BIN3: variants seen among roughly 807,000 people sequenced by gnomAD.
BIN3 encodes the protein bridging integrator 3.
A neutral mutation model predicts 38.2 loss-of-function variants in BIN3; 41 were observed. The observed-to-expected ratio is 1.07, with a 90% CI of 0.84 to 1.39. The LOEUF is 1.39. BIN3 is among the 40% of genes most tolerant of loss of function. BIN3 has a pLI of 0.00. For missense variants in BIN3, 361 were observed against 324.3 expected (o/e 1.11, Z -0.87); for synonymous variants, 145 against 122.6 (o/e 1.18, Z -1.21).
chr8:22,621,425 G>C lies in BIN3; in HGVS notation c.759C>G (p.Asp253Glu). 6.2e-7 allele frequency: 1 copy of C among 1,612,810 alleles called. No homozygotes were observed. The highest frequency in any genetic ancestry group is 2.2e-5 in the East Asian group (1 of 44,846). Residue 253 changes from aspartate to glutamate, a missense_variant, in exon 9 of 9, where the codon GAC (aspartate) becomes GAG (glutamate). Coordinates refer to ENST00000276416, the MANE Select transcript of BIN3 (RefSeq NM_018688.6). ...GTCCTCCAAGAGTGACGGGGATTCA[G>C]TCATCGGCCACAATGGAGAGGGCCC... Reference protein sequence around the residue: ...ELRALSIVADD With the variant: ...ELRALSIVADE
At chr8:22,641,921 T>C (rs1585191357) in intron 2 of BIN3, among the ~76,000 whole-genome samples, 1 of 151,722 alleles carries the variant, frequency 6.6e-6, no homozygotes, top group Admixed American at 6.6e-5. Context: ...ACCTGGGGAG[T>C]GGGAGGGGAC....
intron 6 of BIN3, chr8:22,626,131 G>A (rs1801996860): frequency 1.3e-5 from 2 of 152,296 alleles, no homozygotes; most frequent in Non-Finnish European, 1.5e-5. Flanking sequence ...AGCCACCAAA[G>A]CACCCTGAAT....
intron 1 of BIN3, among the ~76,000 whole-genome samples, chr8:22,661,059 T>G (rs1286297748): frequency 6.6e-6 from 1 of 151,966 alleles, no homozygotes; most frequent in Non-Finnish European, 1.5e-5. Context: ...AATTTTTAAT[T>G]TTCTTTTTGT....
intron 2 of BIN3, among the ~76,000 whole-genome samples, chr8:22,642,832 C>T (rs1262779927): frequency 6.6e-6 from 1 of 152,184 alleles, no homozygotes; most frequent in African/African-American, 2.4e-5. Context: ...CCTACCTGAC[C>T]CCCAGTCTAT....
chr8:22,662,355 G>C (rs978346759), intron 1 of BIN3, among the ~76,000 whole-genome samples: 4 of 152,234 alleles, frequency 2.6e-5, no homozygotes, highest in African/African-American at 9.6e-5. Context: ...ATTTCTGCCA[G>C]TCTGATGGCT....
intron 1 of BIN3, among the ~76,000 whole-genome samples, chr8:22,657,990 T>A (rs1803109882): frequency 6.6e-6 from 1 of 152,194 alleles, no homozygotes; most frequent in African/African-American, 2.4e-5. Context: ...TCCCTCCTCC[T>A]CACACTTGCC....
At chr8:22,661,360 T>G (rs530985960) in intron 1 of BIN3, among the ~76,000 whole-genome samples, 16 of 129,812 alleles carry the variant, frequency 1.2e-4, no homozygotes, top group Non-Finnish European at 1.8e-4. Context: ...TTCTTTTTTT[T>G]TTTTTTTTTT....
intron 2 of BIN3, among the ~76,000 whole-genome samples, chr8:22,643,192 C>T (rs944352701): frequency 3.9e-5 from 6 of 152,210 alleles, no homozygotes; most frequent in Admixed American, 2.0e-4. Flanking sequence ...TTCCTGCAGC[C>T]GGCTAGAGAC....
At chr8:22,653,594 T>C (rs1053330857) in intron 1 of BIN3, among the ~76,000 whole-genome samples, 2 of 152,228 alleles carry the variant, frequency 1.3e-5, no homozygotes, top group African/African-American at 2.4e-5. Flanking sequence ...TAAAACAGTA[T>C]ACTCCCAATT....
intron 4 of BIN3, among the ~76,000 whole-genome samples, chr8:22,633,181 T>C (rs1375451204): frequency 2.6e-5 from 4 of 152,044 alleles, no homozygotes; most frequent in Admixed American, 2.0e-4. Context: ...AAGAACACCA[T>C]GGTCTTGGCT....
At chr8:22,648,782 T>G (rs1329677378) in intron 1 of BIN3, among the ~76,000 whole-genome samples, 3 of 152,244 alleles carry the variant, frequency 2.0e-5, no homozygotes, top group East Asian at 3.8e-4. Flanking sequence ...ATATTTATCT[T>G]ATATTTTGGG....
At chr8:22,662,436 G>A (rs1451633125) in intron 1 of BIN3, among the ~76,000 whole-genome samples, 1 of 152,150 alleles carries the variant, frequency 6.6e-6, no homozygotes, top group East Asian at 1.9e-4. Flanking sequence ...ATCTTTACAT[G>A]AGCTTTTGTT....
Position 22,630,012 on chromosome 8 carries a change from AG to A in BIN3, c.298-9del. ...CTTCTGGATCTGGTTCACCTGTCAA[AG>A]AAAAACCCAAAGACATTAAAACTGG... is the stretch of plus-strand genomic sequence containing the variant. On this transcript the variant is annotated splice_polypyrimidine_tract_variant and intron_variant, in intron 5 of 8. Coordinates refer to ENST00000276416, the MANE Select transcript of BIN3 (RefSeq NM_018688.6). 6.2e-7 allele frequency: 1 copy of A among 1,608,098 alleles called. No individual in the cohort carries two copies. Among genetic ancestry groups the A allele is most frequent in the Non-Finnish European group, 8.5e-7 (1 of 1,176,870 alleles).
intron 5 of BIN3, among the ~76,000 whole-genome samples, 152 bp from the exon 6 acceptor site, chr8:22,630,156 G>A (rs1161736622): frequency 6.6e-6 from 1 of 152,236 alleles, no homozygotes; most frequent in African/African-American, 2.4e-5. Context: ...GGTGGAGGCC[G>A]GGTGGCTGGC....
chr8:22,628,759 G>A (rs1017947338), intron 6 of BIN3, among the ~76,000 whole-genome samples: 2 of 152,200 alleles, frequency 1.3e-5, no homozygotes, highest in African/African-American at 4.8e-5. Flanking sequence ...CTGTGGCCCT[G>A]GCACAGAAAA....
chr8:22,629,316 C>A (rs921279103), intron 6 of BIN3, among the ~76,000 whole-genome samples: 1 of 152,134 alleles, frequency 6.6e-6, no homozygotes, highest in Non-Finnish European at 1.5e-5. Context: ...CGAGAGAGGC[C>A]AGGGAAGATG....
chr8:22,652,382 T>C (rs1802930373), intron 1 of BIN3, among the ~76,000 whole-genome samples: 1 of 152,260 alleles, frequency 6.6e-6, no homozygotes, highest in Non-Finnish European at 1.5e-5. Context: ...CTGATGTCAC[T>C]ATCTTTCTAC....
At chr8:22,646,113 G>A (rs750385531) in intron 1 of BIN3, among the ~76,000 whole-genome samples, 1 of 152,160 alleles carries the variant, frequency 6.6e-6, no homozygotes, top group African/African-American at 2.4e-5. Flanking sequence ...CATAAAACGA[G>A]TAGATTAAAC....
intron 4 of BIN3, among the ~76,000 whole-genome samples, chr8:22,633,743 C>T (rs1054688730): frequency 2.0e-5 from 3 of 152,214 alleles, no homozygotes; most frequent in Non-Finnish European, 2.9e-5. Context: ...TTTCAGGTCT[C>T]GCCCAGCTCA....
Sources: gnomAD v4.1 joint callset for allele counts (sites outside exome capture counted in the v4.1 genomes callset) on GRCh38, gnomAD v4.1.1 for gene constraint, MANE v1.5 for transcripts, NCBI Gene and HGNC (gene_info 2026-07-23, HGNC 2026-07-21) for gene names.